Variants in MLYCD observed in about 807,000 individuals in gnomAD.
MLYCD encodes the protein malonyl-CoA decarboxylase.
A neutral mutation model predicts 35.8 loss-of-function variants in MLYCD; 27 were observed. That is an observed-to-expected ratio of 0.75 (90% confidence interval 0.56 to 1.04). The LOEUF is 1.04. Ranked by LOEUF, MLYCD falls within the 50% of genes least tolerant of loss-of-function variation. MLYCD has a pLI of 0.00. For synonymous variants in MLYCD, 403 were observed against 302.4 expected (o/e 1.33, Z -3.45); for missense variants, 917 against 665.1 (o/e 1.38, Z -4.17).
intron 2 of MLYCD, 152 bp from the exon 3 acceptor site, chr16:83,907,974 A>T: frequency 9.9e-7 from 1 of 1,006,756 alleles, no homozygotes; most frequent in Non-Finnish European, 1.4e-6. Flanking sequence ...GCTGTTTCTC[A>T]TGAAAATGAC....
intron 1 of MLYCD, among the ~76,000 whole-genome samples, chr16:83,901,913 G>A (rs868048582): frequency 2.2e-4 from 33 of 152,138 alleles, no homozygotes; most frequent in South Asian, 8.3e-4. Context: ...AATGAATAAC[G>A]ACAGTCTGAT....
chr16:83,915,186 G>C lies in MLYCD; in HGVS notation c.1179G>C (p.Ala393=), dbSNP rs564269563. Residue 393 remains alanine (A), a synonymous_variant, in exon 5 of 5, where the codon GCG becomes GCC. Coordinates refer to ENST00000262430, the MANE Select transcript of MLYCD (RefSeq NM_012213.3). The part of the protein sequence containing the change: ...EWVQSEKLVR[A]LQTPLMRLCA... ...TGCAGTCGGAGAAGCTGGTGCGGGC[G>C]CTGCAGACTCCGCTGATGAGGCTGT... 1 of 1,614,122 alleles carries C rather than the reference G, an allele frequency of 6.2e-7. No individual in the cohort carries two copies.
chr16:83,911,655 CAG>C (rs1435300721), intron 3 of MLYCD: 1 of 156,724 alleles, frequency 6.4e-6, no homozygotes, highest in African/African-American at 2.4e-5. Context: ...TTAGGAAAAA[CAG>C]AAATGGCACA....
In MLYCD at chr16:83,919,638, C is replaced by A. The variant is rs139617111; in HGVS notation, c.*4149C>A. 1 of 148,408 alleles carries A rather than the reference C, an allele frequency of 6.7e-6. No homozygotes were observed. Among genetic ancestry groups the A allele is most frequent in the Non-Finnish European group, 1.5e-5 (1 of 67,958 alleles). The allele number at this position is 148,408 out of a possible 1,614,324, so 9.2% of individuals were successfully genotyped here. A position where few individuals can be genotyped will look rare whatever the true frequency, so the allele number is the denominator to read the frequency against. On this transcript the variant is annotated 3_prime_UTR_variant, in exon 5 of 5. Transcript: ENST00000262430. ...AACACACGGGGCACAGGAGAACACACGATGCACGGAACACGGTGATCAGAA... is the reference window on the plus strand; with the variant it reads ...AACACACGGGGCACAGGAGAACACAAGATGCACGGAACACGGTGATCAGAA...
At chr16:83,903,036 G>A (rs1204069155) in intron 1 of MLYCD, among the ~76,000 whole-genome samples, 3 of 152,120 alleles carry the variant, frequency 2.0e-5, no homozygotes, top group Non-Finnish European at 4.4e-5. Flanking sequence ...GTTTCTTAGA[G>A]GTGAAATCCC....
Position 83,922,927 on chromosome 16 carries a change from T to C in MLYCD, c.*7438T>C, listed in dbSNP as rs1485994336. On this transcript the variant is annotated 3_prime_UTR_variant, in exon 5 of 5. Coordinates refer to ENST00000262430, the MANE Select transcript of MLYCD (RefSeq NM_012213.3). ...GTGGACACGGCATTGCACAGGGGCT[T>C]GAGGGGACCTCCTGACCCCTGATGG... 3.3e-5 allele frequency: 5 copies of C among 152,296 alleles called. No individual in the cohort carries two copies. The highest frequency in any genetic ancestry group is 9.6e-5 in the African/African-American group (4 of 41,466). The allele number at this position is 152,296 out of a possible 1,614,324, so 9.4% of individuals were successfully genotyped here. A position where few individuals can be genotyped will look rare whatever the true frequency, so the allele number is the denominator to read the frequency against.
chr16:83,903,200 A>G (rs1425607230), intron 1 of MLYCD, among the ~76,000 whole-genome samples: 1 of 152,074 alleles, frequency 6.6e-6, no homozygotes, highest in African/African-American at 2.4e-5. Context: ...AGGTGCTCCA[A>G]CCTTAACAGA....
intron 1 of MLYCD, among the ~76,000 whole-genome samples, chr16:83,900,869 G>T (rs1295590393): frequency 6.6e-6 from 1 of 152,204 alleles, no homozygotes; most frequent in Admixed American, 6.5e-5. Context: ...CTGAGGTTGT[G>T]TTACTTGTCC....
chr16:83,915,273 C>G lies in MLYCD; in HGVS notation c.1266C>G (p.Phe422Leu), dbSNP rs1907336043. Residue 422 changes from phenylalanine (F) to leucine (L), a missense_variant, in exon 5 of 5, where the codon TTC becomes TTG. Phe to Leu is a conservative substitution (Grantham distance 22). Transcript: ENST00000262430. ...ACGCGCTGAACCCCGTGGCCAACTT[C>G]CACCTGCAGAACGGGGCGGTGCTGT... ...RGYALNPVAN[F>L]HLQNGAVLWR... 1 of 1,612,316 alleles carries G rather than the reference C, an allele frequency of 6.2e-7. No individual in the cohort carries two copies. Among genetic ancestry groups the G allele is most frequent in the Admixed American group, 1.7e-5 (1 of 59,998 alleles).
Position 83,921,314 on chromosome 16 carries a change from G to C in MLYCD, c.*5825G>C, listed in dbSNP as rs898580738. Reference sequence around the variant, plus strand: ...GGCAGAGTGTTAATGGAAGGAAGATGAATGGATAGATGGAGGGTAGAGTGT... The same window carrying C: ...GGCAGAGTGTTAATGGAAGGAAGATCAATGGATAGATGGAGGGTAGAGTGT... On this transcript the variant is annotated 3_prime_UTR_variant, in exon 5 of 5. Transcript: ENST00000262430. 1 of 148,756 alleles carries C rather than the reference G, an allele frequency of 6.7e-6. No homozygotes were observed. The highest frequency in any genetic ancestry group is 1.5e-5 in the Non-Finnish European group (1 of 67,272). 9.2% of individuals were successfully genotyped at this position (148,756 alleles called of 1,614,324 possible).
chr16:83,901,121 G>A (rs1567631218), intron 1 of MLYCD, among the ~76,000 whole-genome samples: 1 of 152,306 alleles, frequency 6.6e-6, no homozygotes, highest in East Asian at 1.9e-4. Flanking sequence ...GTTACTGAGG[G>A]CCAGGCATCT....
Position 83,920,041 on chromosome 16 carries a change from C to T in MLYCD, c.*4552C>T, listed in dbSNP as rs1907600155. ...AGGAGAACACAGTACACACACAGCG[C>T]ACTGGAGAACACGCACAGTGCACAG... is the stretch of plus-strand genomic sequence containing the variant. On this transcript the variant is annotated 3_prime_UTR_variant, in exon 5 of 5. Transcript: ENST00000262430. The T allele has an allele frequency of 6.6e-6, 1 of 151,856 alleles. No individual in the cohort carries two copies. The highest frequency in any genetic ancestry group is 6.6e-5 in the Admixed American group (1 of 15,232). 9.4% of individuals were successfully genotyped at this position (151,856 alleles called of 1,614,324 possible).
Position 83,912,236 on chromosome 16 carries a change from C to T in MLYCD, c.817C>T (p.Pro273Ser), listed in dbSNP as rs1267986867. 2 of 1,614,204 alleles carry T rather than the reference C, an allele frequency of 1.2e-6. No individual in the cohort carries two copies. The highest frequency in any genetic ancestry group is 8.5e-7 in the Non-Finnish European group (1 of 1,180,042). ...TTTCCAGGCAATCGTGAAGGAACAT[C>T]CTCCATCAGAAACAGAAGAGAAGAA... Reference protein sequence around the residue: ...SNIQAIVKEHPPSETEEKNKI... With the variant: ...SNIQAIVKEHSPSETEEKNKI... The change falls in exon 4 of 5, where the codon CCT (proline) becomes TCT (serine). Residue 273 changes from proline (P) to serine (S), a missense_variant. Transcript: ENST00000262430.
intron 4 of MLYCD, chr16:83,912,646 C>G (rs932117598): frequency 6.5e-6 from 3 of 458,850 alleles, no homozygotes; most frequent in African/African-American, 5.9e-5. Context: ...TCTAGGGTGA[C>G]CTCGTTCTGA....
At chr16:83,902,195 TTTTG>T (rs1906819929) in intron 1 of MLYCD, among the ~76,000 whole-genome samples, 2 of 140,166 alleles carry the variant, frequency 1.4e-5, no homozygotes, top group South Asian at 2.3e-4. Context: ...ATATATGGTT[TTTTG>T]TTTTGTTGTT....
At chr16:83,900,736 T>C (rs202241641) in intron 1 of MLYCD, among the ~76,000 whole-genome samples, 1 of 151,256 alleles carries the variant, frequency 6.6e-6, no homozygotes. Context: ...TAAAAAAAAA[T>C]TGAACACTTG....
Position 83,920,605 on chromosome 16 carries a change from C to T in MLYCD, c.*5116C>T, listed in dbSNP as rs1167378306. On this transcript the variant is annotated 3_prime_UTR_variant, in exon 5 of 5. Transcript: ENST00000262430. ...GGCCTCCCAGGCTCCAAGATCACTG[C>T]CTTCAGGGAGCCCAGGAAGAGCTGC... 2.6e-5 allele frequency: 4 copies of T among 152,234 alleles called. No homozygotes were observed. The highest frequency in any genetic ancestry group is 2.1e-4 in the South Asian group (1 of 4,836). 9.4% of individuals were successfully genotyped at this position (152,234 alleles called of 1,614,324 possible).
In MLYCD at chr16:83,899,143, C is replaced by G; in HGVS notation, c.-2C>G. 8.8e-7 allele frequency: 1 copy of G among 1,136,944 alleles called. No individual in the cohort carries two copies. The highest frequency in any genetic ancestry group is 1.1e-6 in the Non-Finnish European group (1 of 930,334). The allele number at this position is 1,136,944 out of a possible 1,614,324, so 70.4% of individuals were successfully genotyped here. On this transcript the variant is annotated 5_prime_UTR_variant, in exon 1 of 5. Transcript: ENST00000262430. ...CCCCCTCGGCAGCTGTTGTGGGGCA[C>G]CATGCGAGGCTTCGGGCCAGGCTTG...
Position 83,899,573 on chromosome 16 carries a change from C to T in MLYCD, c.429C>T (p.His143=), listed in dbSNP as rs746433375. 16 of 1,593,276 alleles carry T rather than the reference C, an allele frequency of 1.0e-5. No individual in the cohort carries two copies. The highest frequency in any genetic ancestry group is 2.7e-5 in the African/African-American group (2 of 74,400). ...CGCGCTATCGCGGCCTCTTCCACCACATCAGCAAGCTGGACGGCGGCGTGC... is the reference window on the plus strand; with the variant it reads ...CGCGCTATCGCGGCCTCTTCCACCATATCAGCAAGCTGGACGGCGGCGTGC... ...LVPRYRGLFH[H]ISKLDGGVRF... The change falls in exon 1 of 5, where the codon CAC becomes CAT. Residue 143 remains histidine (H), a synonymous_variant. Coordinates refer to ENST00000262430, the MANE Select transcript of MLYCD (RefSeq NM_012213.3).
Sources: allele counts gnomAD v4.1 joint callset (sites outside exome capture counted in the v4.1 genomes callset), GRCh38; gene constraint gnomAD v4.1.1; transcripts MANE v1.5; gene names NCBI Gene and HGNC (gene_info 2026-07-23, HGNC 2026-07-21).